Variants in FAM193A observed in about 807,000 individuals in gnomAD.
FAM193A encodes family with sequence similarity 193 member A, also known as protein FAM193A.
In FAM193A, 22 loss-of-function variants were observed where a neutral mutation model predicts 126.5. The observed-to-expected ratio is 0.17, with a 90% CI of 0.12 to 0.25. FAM193A has a LOEUF of 0.25. Ranked by LOEUF, FAM193A falls within the 10% of genes least tolerant of loss-of-function variation. FAM193A has a pLI of 1.00. For missense variants in FAM193A, 1,675 were observed against 1,672.8 expected (o/e 1.00, Z -0.02); for synonymous variants, 761 against 646.8 (o/e 1.18, Z -2.68).
intron 7 of FAM193A, among the ~76,000 whole-genome samples, chr4:2,647,911 A>G (rs1577132328): frequency 6.6e-6 from 1 of 152,090 alleles, no homozygotes; most frequent in Non-Finnish European, 1.5e-5. Flanking sequence ...TGCCATGTGG[A>G]TGCCACCTGT....
At chr4:2,690,390 A>G (rs1716229944) in intron 14 of FAM193A, among the ~76,000 whole-genome samples, 2 of 152,232 alleles carry the variant, frequency 1.3e-5, no homozygotes, top group South Asian at 4.1e-4. Flanking sequence ...ACCTTGGGCA[A>G]GTTGCTTGGC....
At chr4:2,662,233 C>T (rs999431688) in intron 10 of FAM193A, among the ~76,000 whole-genome samples, 3 of 152,066 alleles carry the variant, frequency 2.0e-5, no homozygotes, top group African/African-American at 7.2e-5. Context: ...TTTTCATTTG[C>T]CTGTTGCTTA....
intron 6 of FAM193A, among the ~76,000 whole-genome samples, chr4:2,646,159 C>CTTTTTTT (rs568447182): frequency 2.9e-5 from 2 of 69,120 alleles, no homozygotes; most frequent in Non-Finnish European, 5.2e-5. Context: ...TGAGCATCTC[C>CTTTTTTT]TTTTTTTTTT....
At position 2,645,360 on chromosome 4, in the gene FAM193A, G is replaced by A. The variant is rs145392279; in HGVS notation, c.1164-1325G>A. The stretch of plus-strand genomic sequence containing the variant: ...TACATGTGTCTCCACACCACTCCCC[G>A]TCCTCCTCCTGACCCCAGCCCCCAG... On this transcript the variant is annotated intron_variant, in intron 6 of 20. Coordinates refer to ENST00000637812, the MANE Select transcript of FAM193A (RefSeq NM_001366318.2). Among the ~76,000 whole-genome samples, 5 of 151,948 alleles carry A rather than the reference G, an allele frequency of 3.3e-5. No homozygotes were observed. In the East Asian group the frequency reaches 5.8e-4, roughly 18 times the overall value.
chr4:2,557,171 C>T (rs1448642084), intron 1 of FAM193A, among the ~76,000 whole-genome samples: 1 of 152,120 alleles, frequency 6.6e-6, no homozygotes. Context: ...ACAATTATCA[C>T]AATACATTGT....
In FAM193A at chr4:2,639,839, C is replaced by G. The variant is rs747998226; in HGVS notation, c.1143C>G (p.Pro381=). 2.5e-6 allele frequency: 4 copies of G among 1,613,810 alleles called. No individual in the cohort carries two copies. The highest frequency in any genetic ancestry group is 2.5e-6 in the Non-Finnish European group (3 of 1,179,938). Residue 381 remains proline (P), a synonymous_variant, in exon 6 of 21, where the codon CCC becomes CCG. Coordinates refer to ENST00000637812, the MANE Select transcript of FAM193A (RefSeq NM_001366318.2). ...FSEPLLQSNL[P]ALVSQIRLGT... ...AGCCACTTCTTCAGAGCAACTTGCCCGCACTGGTGTCACAGATCAGGTATT... is the reference window on the plus strand; with the variant it reads ...AGCCACTTCTTCAGAGCAACTTGCCGGCACTGGTGTCACAGATCAGGTATT...
intron 1 of FAM193A, among the ~76,000 whole-genome samples, chr4:2,580,781 A>G (rs1317205805): frequency 6.6e-6 from 1 of 152,232 alleles, no homozygotes; most frequent in Non-Finnish European, 1.5e-5. Context: ...TGCTGGTGCC[A>G]TGCTTGTATA....
At chr4:2,680,534 A>T (rs1714986401) in intron 13 of FAM193A, among the ~76,000 whole-genome samples, 1 of 151,822 alleles carries the variant, frequency 6.6e-6, no homozygotes, top group African/African-American at 2.4e-5. Flanking sequence ...ACAGGGTCTC[A>T]CTATGTTACC....
At chr4:2,629,235 A>G (rs1743309023) in intron 4 of FAM193A, among the ~76,000 whole-genome samples, 1 of 151,260 alleles carries the variant, frequency 6.6e-6, no homozygotes, top group African/African-American at 2.4e-5. Context: ...AAAAAAAGAG[A>G]TCTAAGTCCG....
chr4:2,681,769 A>G (rs1323792159), intron 13 of FAM193A, among the ~76,000 whole-genome samples: 1 of 151,900 alleles, frequency 6.6e-6, no homozygotes, highest in East Asian at 1.9e-4. Flanking sequence ...TATCCTAGTT[A>G]GGTTGCTGAT....
At chr4:2,684,830 C>A (rs1715547315) in intron 13 of FAM193A, among the ~76,000 whole-genome samples, 2 of 152,198 alleles carry the variant, frequency 1.3e-5, no homozygotes, top group Non-Finnish European at 2.9e-5. Context: ...TGTTCAGTGT[C>A]ATTTCTCTCA....
At chr4:2,697,138 C>T (rs4690088) in intron 18 of FAM193A, among the ~76,000 whole-genome samples, 58,178 of 151,896 alleles carry the variant, frequency 0.38, 11,799 homozygotes, top group Admixed American at 0.55. Context: ...CATGGGAAGA[C>T]ATGAGCAGTT....
intron 20 of FAM193A, among the ~76,000 whole-genome samples, chr4:2,717,710 C>T (rs1030191411): frequency 2.7e-5 from 4 of 150,234 alleles, no homozygotes; most frequent in East Asian, 1.9e-4. Context: ...ACTATGATCA[C>T]GGCACTTGCA....
chr4:2,571,879 T>G (rs1739312162), intron 1 of FAM193A, among the ~76,000 whole-genome samples: 2 of 145,108 alleles, frequency 1.4e-5, no homozygotes, highest in Admixed American at 1.4e-4. Flanking sequence ...TAAATCTTGG[T>G]CAAAGGCCAG....
chr4:2,693,750 G>A lies in FAM193A; in HGVS notation c.2968G>A (p.Ala990Thr), dbSNP rs573841978. 4.4e-5 allele frequency: 71 copies of A among 1,614,192 alleles called. No homozygotes were observed. The highest frequency in any genetic ancestry group is 5.8e-5 in the Non-Finnish European group (68 of 1,180,034). Residue 990 changes from alanine (A) to threonine (T), a missense_variant, in exon 16 of 21, where the codon GCC becomes ACC. Around this residue, in one of 4 missense-constraint regions of FAM193A, gnomAD observed 1,186 missense variants for 1,109.2 expected, o/e 1.07. Coordinates refer to ENST00000637812, the MANE Select transcript of FAM193A (RefSeq NM_001366318.2). The part of the protein sequence containing the change: ...ASTPHLANLA[A>T]PSFPKTATTT... ...CACACCTCACCTTGCAAATCTTGCA[G>A]CCCCATCATTCCCCAAAACAGCAAC...
chr4:2,585,761 T>G (rs559670573), intron 1 of FAM193A, among the ~76,000 whole-genome samples: 53 of 152,168 alleles, frequency 3.5e-4, no homozygotes, highest in African/African-American at 1.2e-3. Context: ...ACCCCGTCTT[T>G]ACTAAAAAAT....
intron 2 of FAM193A, among the ~76,000 whole-genome samples, chr4:2,615,482 A>T (rs1742124220): frequency 6.6e-6 from 1 of 151,948 alleles, no homozygotes; most frequent in South Asian, 2.1e-4. Context: ...TTGTTCATTG[A>T]CCCATGTTTT....
chr4:2,682,020 G>A lies in FAM193A; in HGVS notation c.2332-7486G>A, dbSNP rs542049251. ...TTTTTTTTGAGACAGAGTCTTCCTC[G>A]GTCGCCCAGGCTGGAGTGCAGTGAT... On this transcript the variant is annotated intron_variant, in intron 13 of 20. Transcript: ENST00000637812. Among the ~76,000 whole-genome samples the A allele has an allele frequency of 7.5e-3, 925 of 123,444 alleles. 3 individuals are homozygous for A. Among genetic ancestry groups the A allele is most frequent in the Middle Eastern group, 0.027 (4 of 148 alleles). 81.0% of individuals were successfully genotyped at this position (123,444 alleles called of 152,430 possible). A position where few individuals can be genotyped will look rare whatever the true frequency, so the allele number is the denominator to read the frequency against.
chr4:2,679,375 C>CTTTCTTTTTT (rs1233397336), intron 13 of FAM193A, among the ~76,000 whole-genome samples: 9 of 87,846 alleles, frequency 1.0e-4, no homozygotes, highest in African/African-American at 3.1e-4. Flanking sequence ...AGTTTTCTTT[C>CTTTCTTTTTT]TTTTTTTTTT....
Sources: allele counts gnomAD v4.1 joint callset (sites outside exome capture counted in the v4.1 genomes callset), GRCh38; gene constraint gnomAD v4.1.1; regional missense constraint gnomAD v4.1.1; transcripts MANE v1.5; gene names NCBI Gene and HGNC (gene_info 2026-07-23, HGNC 2026-07-21).